ASPRV1: variants seen among roughly 807,000 people sequenced by gnomAD.
ASPRV1 encodes the protein retroviral-like aspartic protease 1.
Under a neutral mutation model 11.0 loss-of-function variants are expected in ASPRV1, and 7 were observed. That is an observed-to-expected ratio of 0.64 (90% CI 0.36 to 1.20). The LOEUF is 1.20. Among genes scored for constraint, ASPRV1 ranks in the 50% most tolerant of loss-of-function variants. The pLI is 0.02. For synonymous variants in ASPRV1, 136 were observed against 138.4 expected (o/e 0.98, Z 0.12); for missense variants, 299 against 320.0 (o/e 0.93, Z 0.50).
chr2:70,013,852 G>A, the ASPRV1 span, among the ~76,000 whole-genome samples: 1 of 152,184 alleles, frequency 6.6e-6, no homozygotes, highest in East Asian at 1.9e-4. Context: ...CTGCACTCCA[G>A]CCTGGGCAAA....
At chr2:69,937,465 G>A in the ASPRV1 span, 40 of 1,411,092 alleles carry the variant, frequency 2.8e-5, 1 homozygote, top group Middle Eastern at 2.2e-4. Flanking sequence ...TCAGTACTGC[G>A]GACAGGAGGC....
At chr2:70,073,137 C>T in the ASPRV1 span, 2 of 152,104 alleles carry the variant, frequency 1.3e-5, no homozygotes, top group Non-Finnish European at 2.9e-5. Context: ...AACTGATGAG[C>T]TCCCCTATTA....
At chr2:70,061,735 G>A in the ASPRV1 span, among the ~76,000 whole-genome samples, 1 of 152,192 alleles carries the variant, frequency 6.6e-6, no homozygotes, top group East Asian at 1.9e-4. Flanking sequence ...GATCACCTGA[G>A]GTCAAGAGTT....
At chr2:69,947,587 GA>G in the ASPRV1 span, among the ~76,000 whole-genome samples, 1 of 151,956 alleles carries the variant, frequency 6.6e-6, no homozygotes, top group African/African-American at 2.4e-5. Flanking sequence ...TGTAATTTTG[GA>G]AGTTACTTCC....
At chr2:69,944,682 T>C in the ASPRV1 span, among the ~76,000 whole-genome samples, 30 of 113,786 alleles carry the variant, frequency 2.6e-4, no homozygotes, top group African/African-American at 1.2e-3. Context: ...ACCTATTTTC[T>C]TTGGAGGGGA....
the ASPRV1 span, among the ~76,000 whole-genome samples, chr2:69,953,607 A>G: frequency 3.3e-5 from 5 of 152,190 alleles, no homozygotes; most frequent in East Asian, 9.7e-4. Context: ...CTTTCCCCCA[A>G]TCCAGGGTAA....
At chr2:70,081,689 T>A in the ASPRV1 span, among the ~76,000 whole-genome samples, 1 of 151,956 alleles carries the variant, frequency 6.6e-6, no homozygotes, top group Non-Finnish European at 1.5e-5. Context: ...GCTCAAGTGA[T>A]TCTCCCATCT....
At chr2:70,072,114 G>A in the ASPRV1 span, among the ~76,000 whole-genome samples, 1 of 151,952 alleles carries the variant, frequency 6.6e-6, no homozygotes, top group Non-Finnish European at 1.5e-5. Flanking sequence ...ACCATGCCCA[G>A]CTAACTTTTG....
At chr2:70,073,820 C>T in the ASPRV1 span, among the ~76,000 whole-genome samples, 1 of 152,016 alleles carries the variant, frequency 6.6e-6, no homozygotes, top group Non-Finnish European at 1.5e-5. Flanking sequence ...CTGGCATCTT[C>T]CCTGCACAAG....
At chr2:70,022,728 A>G in the ASPRV1 span, among the ~76,000 whole-genome samples, 1 of 152,098 alleles carries the variant, frequency 6.6e-6, no homozygotes, top group Non-Finnish European at 1.5e-5. Flanking sequence ...GAGGTAATGG[A>G]TAAGTTTAGC....
At chr2:70,052,543 C>T in the ASPRV1 span, among the ~76,000 whole-genome samples, 173 of 152,208 alleles carry the variant, frequency 1.1e-3, no homozygotes, top group South Asian at 0.021. Context: ...TATCTGTTCA[C>T]GCACCCATTC....
downstream of ASPRV1, among the ~76,000 whole-genome samples, chr2:69,955,974 T>G (rs994996660): frequency 2.6e-5 from 4 of 151,830 alleles, no homozygotes; most frequent in African/African-American, 9.7e-5. Flanking sequence ...TTTCTGAATA[T>G]CAGACCCCAC....
At chr2:70,036,797 C>T in the ASPRV1 span, among the ~76,000 whole-genome samples, 150 of 152,180 alleles carry the variant, frequency 9.9e-4, no homozygotes, top group African/African-American at 3.2e-3. Context: ...CCTCCCAAAG[C>T]GCTGGGATTA....
At chr2:70,048,413 T>C in the ASPRV1 span, among the ~76,000 whole-genome samples, 6 of 150,946 alleles carry the variant, frequency 4.0e-5, no homozygotes, top group Non-Finnish European at 8.8e-5. Flanking sequence ...AAACTCTGTC[T>C]TAAAAGAAAA....
the ASPRV1 span, among the ~76,000 whole-genome samples, chr2:69,980,412 C>A: frequency 6.6e-6 from 1 of 152,208 alleles, no homozygotes; most frequent in African/African-American, 2.4e-5. Flanking sequence ...TCATTCCCTG[C>A]AATGCTATTT....
the ASPRV1 span, among the ~76,000 whole-genome samples, chr2:69,937,701 G>A: frequency 6.6e-6 from 1 of 152,108 alleles, no homozygotes; most frequent in South Asian, 2.1e-4. Flanking sequence ...TGCAACCTCC[G>A]CCTCCCGGGT....
the ASPRV1 span, among the ~76,000 whole-genome samples, chr2:70,006,970 G>A: frequency 6.6e-6 from 1 of 152,122 alleles, no homozygotes; most frequent in African/African-American, 2.4e-5. Context: ...CCACCTACCA[G>A]GTATGTGATC....
the ASPRV1 span, among the ~76,000 whole-genome samples, chr2:69,994,408 G>A: frequency 2.0e-5 from 3 of 152,200 alleles, no homozygotes; most frequent in South Asian, 2.1e-4. Flanking sequence ...TTTACAGCAT[G>A]ACCAACGGAG....
the ASPRV1 span, among the ~76,000 whole-genome samples, chr2:70,068,407 C>T: frequency 6.6e-6 from 1 of 152,118 alleles, no homozygotes; most frequent in African/African-American, 2.4e-5. Flanking sequence ...GTGCTGCAAT[C>T]TTATGGAAAC....
Sources: gnomAD v4.1 joint callset for allele counts (sites outside exome capture counted in the v4.1 genomes callset) on GRCh38, gnomAD v4.1.1 for gene constraint, MANE v1.5 for transcripts, NCBI Gene and HGNC (gene_info 2026-07-23, HGNC 2026-07-21) for gene names.